AGAP1: variants seen among roughly 807,000 people sequenced by gnomAD.
AGAP1 encodes the protein arf-GAP with GTPase, ANK repeat and PH domain-containing protein 1.
In AGAP1, 29 loss-of-function variants were observed where a neutral mutation model predicts 105.3. The ratio of observed to expected loss-of-function variants is 0.28; its 90% CI spans 0.21 to 0.38. AGAP1 has a LOEUF of 0.38. Ranked by LOEUF, AGAP1 falls within the 10% of genes least tolerant of loss-of-function variation. AGAP1 has a pLI of 1.00. For synonymous variants in AGAP1, 509 were observed against 485.9 expected (o/e 1.05, Z -0.63); for missense variants, 998 against 1,165.1 (o/e 0.86, Z 2.09).
At position 235,682,378 on chromosome 2, in the gene AGAP1, T is replaced by A. The variant is rs560501485; in HGVS notation, c.164-26801T>A. ...TTTTGTTTGAGATGGAGTCTCACTC[T>A]GTTGCCCAGGCTGGAGTGCAGTGGT... On this transcript the variant is annotated intron_variant, in intron 1 of 17. Coordinates refer to ENST00000304032, the MANE Select transcript of AGAP1 (RefSeq NM_001037131.3). Among the ~76,000 whole-genome samples, 6 of 151,358 alleles carry A rather than the reference T, an allele frequency of 4.0e-5. No homozygotes were observed. In the East Asian group the frequency reaches 1.2e-3, roughly 30 times the overall value.
chr2:235,553,890 G>A lies in AGAP1; in HGVS notation c.163+59041G>A, dbSNP rs564083215. On this transcript the variant is annotated intron_variant, in intron 1 of 17. Transcript: ENST00000304032. The surrounding 1 kb of genome is among the most constrained non-coding windows in gnomAD (Gnocchi z 4.5). ...CTTCCACGTAAGGATCCCGAAGCACGGTTGCCTCCGCCTCCCACCCCACCC... is the reference window on the plus strand; with the variant it reads ...CTTCCACGTAAGGATCCCGAAGCACAGTTGCCTCCGCCTCCCACCCCACCC... Among the ~76,000 whole-genome samples the A allele has an allele frequency of 9.2e-5, 14 of 152,340 alleles. No individual in the cohort carries two copies. The highest frequency in any genetic ancestry group is 3.4e-4 in the African/African-American group (14 of 41,572).
chr2:235,848,312 T>G lies in AGAP1; in HGVS notation c.1051-35033T>G, dbSNP rs190949724. ...TTGAGCCTCTTTAGGGATTGGCCTGTGCCCTCATCACTCCACCCACACCCA... is the reference window on the plus strand; with the variant it reads ...TTGAGCCTCTTTAGGGATTGGCCTGGGCCCTCATCACTCCACCCACACCCA... On this transcript the variant is annotated intron_variant, in intron 9 of 17. Transcript: ENST00000304032. Among the ~76,000 whole-genome samples, 362 of 152,328 alleles carry G rather than the reference T, an allele frequency of 2.4e-3. 7 individuals are homozygous for G. The East Asian group carries it at 0.035, about 15-fold the overall frequency.
intron 7 of AGAP1, among the ~76,000 whole-genome samples, chr2:235,798,894 A>AAG (rs1957365462): frequency 6.7e-6 from 1 of 150,018 alleles, no homozygotes; most frequent in African/African-American, 2.5e-5. Flanking sequence ...AAAAAAAAAA[A>AAG]GAATGTCTTC....
chr2:235,839,891 C>T (rs530073951), intron 9 of AGAP1, among the ~76,000 whole-genome samples: 5 of 152,138 alleles, frequency 3.3e-5, no homozygotes, highest in Admixed American at 6.5e-5. Flanking sequence ...GTCACCAACA[C>T]AGGATGAGAG....
In AGAP1 at chr2:236,038,584, G is replaced by T. The variant is rs1377442006; in HGVS notation, c.1800+1869G>T. On this transcript the variant is annotated intron_variant, in intron 14 of 17. Coordinates refer to ENST00000304032, the MANE Select transcript of AGAP1 (RefSeq NM_001037131.3). This position sits in a 1 kb window ranked among gnomAD's most constrained non-coding sequence, Gnocchi z 4.5. ...ACCAAAGGTGGCCGACTCAGAGCTG[G>T]TCATCGTGGGCATTGGTTGAACAGG... 1.3e-5 allele frequency among the ~76,000 whole-genome samples: 2 copies of T among 152,196 alleles called. No individual in the cohort carries two copies. The highest frequency in any genetic ancestry group is 6.5e-5 in the Admixed American group (1 of 15,274).
chr2:235,827,546 T>A (rs1022032295), intron 9 of AGAP1, among the ~76,000 whole-genome samples: 14 of 152,252 alleles, frequency 9.2e-5, no homozygotes, highest in Admixed American at 2.0e-4. Context: ...ATGAGCCTTA[T>A]CAATGACTTT....
Position 235,879,645 on chromosome 2 carries a change from C to T in AGAP1, c.1051-3700C>T, listed in dbSNP as rs929349879. 2.6e-5 allele frequency among the ~76,000 whole-genome samples: 4 copies of T among 152,046 alleles called. No homozygotes were observed. Among genetic ancestry groups the T allele is most frequent in the Admixed American group, 1.3e-4 (2 of 15,254 alleles). ...ATCCAGCACTTTCTAAAGACCTAAG[C>T]GAGGCATGGTGGCTCACTCCCCTGT... On this transcript the variant is annotated intron_variant, in intron 9 of 17. Transcript: ENST00000304032. The surrounding 1 kb of genome is among the most constrained non-coding windows in gnomAD (Gnocchi z 5.0).
chr2:236,007,808 G>A (rs974793201), intron 13 of AGAP1, among the ~76,000 whole-genome samples: 1 of 152,214 alleles, frequency 6.6e-6, no homozygotes, highest in African/African-American at 2.4e-5. Flanking sequence ...GGCATCACCA[G>A]CCCCCAGCCT....
chr2:235,552,331 G>A lies in AGAP1; in HGVS notation c.163+57482G>A, dbSNP rs1430739197. On this transcript the variant is annotated intron_variant, in intron 1 of 17. Transcript: ENST00000304032. The surrounding 1 kb of genome is among the most constrained non-coding windows in gnomAD (Gnocchi z 5.9). Reference sequence around the variant, plus strand: ...CATTTAATAACTGGAAGTAGCTTAGGAAGCCAGGTTTGGAGTGCTGCCTTG... The same window carrying A: ...CATTTAATAACTGGAAGTAGCTTAGAAAGCCAGGTTTGGAGTGCTGCCTTG... 6.6e-6 allele frequency among the ~76,000 whole-genome samples: 1 copy of A among 152,238 alleles called. No individual in the cohort carries two copies. Among genetic ancestry groups the A allele is most frequent in the Non-Finnish European group, 1.5e-5 (1 of 68,054 alleles).
chr2:235,975,379 C>T (rs1170260202), intron 13 of AGAP1, among the ~76,000 whole-genome samples: 2 of 151,958 alleles, frequency 1.3e-5, no homozygotes, highest in Non-Finnish European at 2.9e-5. Flanking sequence ...TACGTGGGTG[C>T]GTGGAAGCTC....
At chr2:235,999,786 T>C (rs2056033278) in intron 13 of AGAP1, among the ~76,000 whole-genome samples, 1 of 152,032 alleles carries the variant, frequency 6.6e-6, no homozygotes, top group Non-Finnish European at 1.5e-5. Context: ...GAGCAGGAGA[T>C]GAGGAACCTG....
At position 235,550,634 on chromosome 2, in the gene AGAP1, G is replaced by A. The variant is rs1430592316; in HGVS notation, c.163+55785G>A. On this transcript the variant is annotated intron_variant, in intron 1 of 17. Coordinates refer to ENST00000304032, the MANE Select transcript of AGAP1 (RefSeq NM_001037131.3). The surrounding 1 kb of genome is among the most constrained non-coding windows in gnomAD (Gnocchi z 4.6). Reference sequence around the variant, plus strand: ...CCGCAGAGGTGCCGAGGGCCCAGCAGGACTGTAGCACAGGATCAGCACCAT... The same window carrying A: ...CCGCAGAGGTGCCGAGGGCCCAGCAAGACTGTAGCACAGGATCAGCACCAT... 6.6e-6 allele frequency among the ~76,000 whole-genome samples: 1 copy of A among 152,162 alleles called. No individual in the cohort carries two copies. Among genetic ancestry groups the A allele is most frequent in the African/African-American group, 2.4e-5 (1 of 41,444 alleles).
intron 11 of AGAP1, among the ~76,000 whole-genome samples, chr2:235,920,343 G>T (rs770451530): frequency 2.6e-5 from 4 of 152,190 alleles, no homozygotes; most frequent in Admixed American, 6.5e-5. Flanking sequence ...CAGTAACCCA[G>T]GGATGGGAGG....
chr2:235,632,856 C>T (rs957971419), intron 1 of AGAP1, among the ~76,000 whole-genome samples: 1 of 152,170 alleles, frequency 6.6e-6, no homozygotes, highest in Non-Finnish European at 1.5e-5. Flanking sequence ...CATGCTCTGC[C>T]GCTTTGATTT....
chr2:235,977,334 ACT>A lies in AGAP1; in HGVS notation c.1645+8712_1645+8713del, dbSNP rs1272381007. On this transcript the variant is annotated intron_variant, in intron 13 of 17. Transcript: ENST00000304032. This position sits in a 1 kb window ranked among gnomAD's most constrained non-coding sequence, Gnocchi z 5.2. ...TTAAGTCTCGGTGAAATTATGGTCCACTTGGACCAAGGTCCTGAAGCCAGAAG... is the reference window on the plus strand; with the variant it reads ...TTAAGTCTCGGTGAAATTATGGTCCATGGACCAAGGTCCTGAAGCCAGAAG... Among the ~76,000 whole-genome samples the A allele has an allele frequency of 1.3e-5, 2 of 152,094 alleles. No individual in the cohort carries two copies. The highest frequency in any genetic ancestry group is 4.8e-5 in the African/African-American group (2 of 41,414).
At chr2:235,666,070 A>ATG (rs1281726197) in intron 1 of AGAP1, among the ~76,000 whole-genome samples, 4 of 152,188 alleles carry the variant, frequency 2.6e-5, no homozygotes, top group African/African-American at 9.6e-5. Context: ...AGGGTGATGA[A>ATG]TGGGGGTTAG....
At chr2:236,025,291 G>A (rs1358136154) in intron 13 of AGAP1, among the ~76,000 whole-genome samples, 1 of 152,154 alleles carries the variant, frequency 6.6e-6, no homozygotes, top group Non-Finnish European at 1.5e-5. Flanking sequence ...GCAGTGGAGA[G>A]TAATGCTCGG....
intron 11 of AGAP1, among the ~76,000 whole-genome samples, chr2:235,917,789 T>C (rs920437756): frequency 2.0e-5 from 3 of 152,202 alleles, no homozygotes; most frequent in Non-Finnish European, 4.4e-5. Flanking sequence ...ACAGAAGTAA[T>C]TGGCTGTGCA....
chr2:235,907,197 C>A lies in AGAP1; in HGVS notation c.1156-1541C>A, dbSNP rs571441035. Among the ~76,000 whole-genome samples the A allele has an allele frequency of 3.3e-5, 5 of 152,298 alleles. No individual in the cohort carries two copies. The South Asian group carries it at 1.0e-3, about 32-fold the overall frequency. On this transcript the variant is annotated intron_variant, in intron 10 of 17. Transcript: ENST00000304032. ...TGCATAGTGATTCTAGAACTTGATC[C>A]AACTATCTCTCTGCATCGGGTAACT...
Sources: gnomAD v4.1 joint callset for allele counts (sites outside exome capture counted in the v4.1 genomes callset) on GRCh38, gnomAD v4.1.1 for gene constraint, Gnocchi (gnomAD v3.1) non-coding constraint, MANE v1.5 for transcripts, NCBI Gene and HGNC (gene_info 2026-07-23, HGNC 2026-07-21) for gene names.